Variants in CNTN6 observed in about 807,000 individuals in gnomAD.
CNTN6 encodes the protein contactin 6.
A neutral mutation model predicts 122.8 loss-of-function variants in CNTN6; 137 were observed. The ratio of observed to expected loss-of-function variants is 1.12; its 90% CI spans 0.97 to 1.29. The LOEUF is 1.29. Among genes scored for constraint, CNTN6 ranks in the 50% most tolerant of loss-of-function variants. CNTN6 has a pLI of 0.00. For synonymous variants in CNTN6, 570 were observed against 426.0 expected (o/e 1.34, Z -4.16); for missense variants, 1,634 against 1,223.4 (o/e 1.34, Z -5.01).
chr3:1,374,028 G>A lies in CNTN6; in HGVS notation c.2050G>A (p.Gly684Arg), dbSNP rs762736409. 8.1e-6 allele frequency: 13 copies of A among 1,612,876 alleles called. No individual in the cohort carries two copies. The highest frequency in any genetic ancestry group is 8.5e-7 in the Non-Finnish European group (1 of 1,179,256). Reference protein sequence around the residue: ...RVVAGNSIGIGEPSEPSELLR... With the variant: ...RVVAGNSIGIREPSEPSELLR... ...TGTTGCCGGCAACAGCATTGGGATT[G>A]GAGAACCAAGTGAACCATCAGAATT... is the stretch of plus-strand genomic sequence containing the variant. The change falls in exon 16 of 23, where the codon GGA becomes AGA. Residue 684 changes from glycine (G) to arginine (R), a missense_variant. Physicochemically the swap from Gly to Arg is moderately radical, Grantham distance 125 (BLOSUM62 -2). Transcript: ENST00000446702.
chr3:1,238,155 C>T (rs564013761), intron 4 of CNTN6, among the ~76,000 whole-genome samples: 67 of 152,142 alleles, frequency 4.4e-4, no homozygotes, highest in Non-Finnish European at 6.6e-4. Context: ...GCAGAATAAA[C>T]GAGAATTCTC....
At chr3:1,201,090 GCTAACATTTT>G (rs2093859988) in intron 2 of CNTN6, among the ~76,000 whole-genome samples, 1 of 138,842 alleles carries the variant, frequency 7.2e-6, no homozygotes, top group Non-Finnish European at 1.5e-5. Flanking sequence ...ACTGTGCCCA[GCTAACATTTT>G]GTGTGTGTGT....
chr3:1,232,279 G>T (rs1480939489), intron 4 of CNTN6, among the ~76,000 whole-genome samples: 1 of 152,108 alleles, frequency 6.6e-6, no homozygotes, highest in Non-Finnish European at 1.5e-5. Flanking sequence ...CAAAAGGAAA[G>T]GCAGCTGGGC....
At position 1,373,613 on chromosome 3, in the gene CNTN6, G is replaced by GTC. The variant is rs1709417786; in HGVS notation, c.1797_1798dup (p.Pro600LeufsTer18). The GTC allele has an allele frequency of 6.2e-7, 1 of 1,611,082 alleles. No homozygotes were observed. Among genetic ancestry groups the GTC allele is most frequent in the East Asian group, 2.2e-5 (1 of 44,750 alleles). On this transcript the variant is annotated frameshift_variant, in exon 15 of 23. Transcript: ENST00000446702. LOFTEE classifies it high-confidence loss of function. ...AAACATTTTTTTCAAGGTCCACCAG[G>GTC]TCCTCCTGAGGATGTGCAAGTGGAA...
rs778659800 is a variant in CNTN6, at chr3:1,321,758, A to C, written c.870A>C (p.Glu290Asp). Residue 290 changes from glutamate to aspartate, a missense_variant, in exon 8 of 23, where the codon GAA becomes GAC. Transcript: ENST00000446702. ...AILEIPNFQQ[E>D]DEGFYECIAS... is the part of the protein sequence containing the mutation. ...TTGAAATCCCGAACTTCCAACAAGA[A>C]GATGAAGGCTTTTATGAGTGCATTG... is the stretch of plus-strand genomic sequence containing the variant. The C allele has an allele frequency of 6.2e-7, 1 of 1,611,986 alleles. No individual in the cohort carries two copies.
intron 1 of CNTN6, among the ~76,000 whole-genome samples, chr3:1,131,898 G>A (rs1260669790): frequency 6.6e-6 from 1 of 152,050 alleles, no homozygotes; most frequent in Admixed American, 6.6e-5. Flanking sequence ...GCATTCATGA[G>A]AAAATTCAGA....
chr3:1,330,572 T>C (rs1405222551), intron 11 of CNTN6, among the ~76,000 whole-genome samples: 1 of 151,958 alleles, frequency 6.6e-6, no homozygotes, highest in Non-Finnish European at 1.5e-5. Flanking sequence ...ATGAGGTGAC[T>C]AGACCACAGA....
intron 1 of CNTN6, among the ~76,000 whole-genome samples, chr3:1,121,585 A>T (rs770999447): frequency 3.9e-5 from 6 of 151,918 alleles, no homozygotes; most frequent in Non-Finnish European, 7.4e-5. Context: ...TTCTTTTGCT[A>T]ATCTTTGTAT....
chr3:1,280,238 A>T (rs1034210429), intron 5 of CNTN6, among the ~76,000 whole-genome samples: 1 of 152,130 alleles, frequency 6.6e-6, no homozygotes, highest in Non-Finnish European at 1.5e-5. Context: ...TAAAAAATTA[A>T]AAGGCAGCCA....
At chr3:1,330,039 G>A (rs1198055486) in intron 11 of CNTN6, 104 bp downstream of exon 11, 3 of 814,920 alleles carry the variant, frequency 3.7e-6, no homozygotes, top group South Asian at 5.9e-5. Context: ...TTATGATAAA[G>A]TCTCATTGGC....
At chr3:1,197,557 G>A (rs991616806) in intron 2 of CNTN6, among the ~76,000 whole-genome samples, 1 of 152,170 alleles carries the variant, frequency 6.6e-6, no homozygotes, top group South Asian at 2.1e-4. Context: ...TAGGAAAGCA[G>A]CATCTACAAC....
At chr3:1,366,480 T>C (rs1708238146) in intron 12 of CNTN6, among the ~76,000 whole-genome samples, 1 of 152,124 alleles carries the variant, frequency 6.6e-6, no homozygotes, top group African/African-American at 2.4e-5. Flanking sequence ...TCTGAGTGGT[T>C]TGAAGAAATC....
chr3:1,284,746 G>T (rs1021240152), intron 5 of CNTN6, among the ~76,000 whole-genome samples: 1 of 152,160 alleles, frequency 6.6e-6, no homozygotes, highest in Non-Finnish European at 1.5e-5. Context: ...GGTAAAAGAA[G>T]GTTTCACTGC....
At chr3:1,237,088 A>G (rs1052412956) in intron 4 of CNTN6, among the ~76,000 whole-genome samples, 4 of 151,954 alleles carry the variant, frequency 2.6e-5, no homozygotes, top group African/African-American at 4.8e-5. Flanking sequence ...TTCAAAAAGA[A>G]AAAAAAAGAA....
At chr3:1,281,614 G>T (rs1190382717) in intron 5 of CNTN6, among the ~76,000 whole-genome samples, 1 of 152,052 alleles carries the variant, frequency 6.6e-6, no homozygotes, top group Non-Finnish European at 1.5e-5. Context: ...ACAGGCACGT[G>T]CCACCATGAA....
intron 20 of CNTN6, among the ~76,000 whole-genome samples, chr3:1,397,403 C>A (rs1224151148): frequency 6.6e-6 from 1 of 151,930 alleles, no homozygotes; most frequent in African/African-American, 2.4e-5. Context: ...ACAGCATATG[C>A]CAAACTTCTT....
At chr3:1,315,722 A>G (rs993212270) in intron 7 of CNTN6, among the ~76,000 whole-genome samples, 1 of 151,960 alleles carries the variant, frequency 6.6e-6, no homozygotes, top group Non-Finnish European at 1.5e-5. Context: ...CACGTTAAAG[A>G]AAAAGGTCCT....
intron 4 of CNTN6, among the ~76,000 whole-genome samples, chr3:1,237,671 A>G (rs1236007930): frequency 1.3e-5 from 2 of 152,230 alleles, no homozygotes; most frequent in African/African-American, 4.8e-5. Flanking sequence ...TAACCTATAA[A>G]GGAAAACCTA....
At chr3:1,112,371 G>T (rs35411109) in intron 1 of CNTN6, among the ~76,000 whole-genome samples, 4,383 of 152,174 alleles carry the variant, frequency 0.029, 90 homozygotes, top group Middle Eastern at 0.092. Flanking sequence ...GGAGCCCTTG[G>T]GATGCTGGTA....
Sources: allele counts gnomAD v4.1 joint callset (sites outside exome capture counted in the v4.1 genomes callset), GRCh38; gene constraint gnomAD v4.1.1; transcripts MANE v1.5; gene names NCBI Gene and HGNC (gene_info 2026-07-23, HGNC 2026-07-21).